Variants in PPP4R4 observed in about 807,000 individuals in gnomAD.
PPP4R4 encodes the protein serine/threonine-protein phosphatase 4 regulatory subunit 4.
In PPP4R4, 70 loss-of-function variants were observed where a neutral mutation model predicts 121.8. The ratio of observed to expected loss-of-function variants is 0.57; its 90% CI spans 0.47 to 0.70. The LOEUF is 0.70. PPP4R4 is among the 30% of genes least tolerant of loss of function. PPP4R4 has a pLI of 0.00. For synonymous variants in PPP4R4, 348 were observed against 355.7 expected (o/e 0.98, Z 0.24); for missense variants, 875 against 1,033.6 (o/e 0.85, Z 2.10).
intron 1 of PPP4R4, 33 bp downstream of exon 1, chr14:94,174,615 C>G (rs1475747275): frequency 1.2e-6 from 2 of 1,603,616 alleles, no homozygotes; most frequent in South Asian, 2.2e-5. Flanking sequence ...GCCCTCACGG[C>G]GTCCGGCCGC....
intron 3 of PPP4R4, among the ~76,000 whole-genome samples, chr14:94,225,934 G>A (rs1259065750): frequency 6.6e-6 from 1 of 151,956 alleles, no homozygotes; most frequent in Non-Finnish European, 1.5e-5. Context: ...AGAGAACTGT[G>A]TATAATTTTT....
At chr14:94,205,618 C>T (rs536893016) in intron 2 of PPP4R4, among the ~76,000 whole-genome samples, 1 of 151,386 alleles carries the variant, frequency 6.6e-6, no homozygotes, top group African/African-American at 2.4e-5. Context: ...TTGAGATGTT[C>T]CATTTTTTTC....
intron 2 of PPP4R4, among the ~76,000 whole-genome samples, chr14:94,197,911 C>T (rs960289153): frequency 6.6e-6 from 1 of 152,128 alleles, no homozygotes; most frequent in African/African-American, 2.4e-5. Flanking sequence ...ATGGATATAT[C>T]ACTGTATGGA....
chr14:94,243,356 A>G (rs1458074858), intron 11 of PPP4R4, among the ~76,000 whole-genome samples: 10 of 152,022 alleles, frequency 6.6e-5, no homozygotes, highest in Admixed American at 6.6e-4. Context: ...AGGAGCGGGG[A>G]TAGGGCAGAA....
chr14:94,178,093 A>G (rs10132659), intron 2 of PPP4R4, among the ~76,000 whole-genome samples: 1,971 of 152,274 alleles, frequency 0.013, 43 homozygotes, highest in African/African-American at 0.045. Flanking sequence ...GAATGCCTGA[A>G]AGGGTCTTTC....
At chr14:94,245,280 G>T (rs180763062) in intron 12 of PPP4R4, among the ~76,000 whole-genome samples, 3 of 152,082 alleles carry the variant, frequency 2.0e-5, no homozygotes, top group East Asian at 3.8e-4. Context: ...TTTAAACAAC[G>T]TTTCGAAAGT....
At chr14:94,257,162 T>C (rs1893519139) in intron 17 of PPP4R4, among the ~76,000 whole-genome samples, 1 of 152,126 alleles carries the variant, frequency 6.6e-6, no homozygotes, top group Non-Finnish European at 1.5e-5. Flanking sequence ...TTGTATCCTA[T>C]GAGTTTTTTG....
intron 3 of PPP4R4, among the ~76,000 whole-genome samples, 187 bp downstream of exon 3, chr14:94,208,753 A>G (rs1200825932): frequency 6.6e-6 from 1 of 152,064 alleles, no homozygotes; most frequent in Non-Finnish European, 1.5e-5. Context: ...GGAAATGGAG[A>G]AATCCAGATC....
chr14:94,235,622 A>G lies in PPP4R4; in HGVS notation c.731+953A>G, dbSNP rs530710995. 3.3e-5 allele frequency among the ~76,000 whole-genome samples: 5 copies of G among 151,722 alleles called. No homozygotes were observed. In the East Asian group the frequency reaches 9.7e-4, roughly 30 times the overall value. ...CACCGTGTTAGCCAGGATGGTCTCG[A>G]TCTCCTGACCTCGTGATCCGCCTGC... On this transcript the variant is annotated intron_variant, in intron 7 of 24. Coordinates refer to ENST00000304338, the MANE Select transcript of PPP4R4 (RefSeq NM_058237.2).
chr14:94,223,887 G>GT (rs11382624), intron 3 of PPP4R4, among the ~76,000 whole-genome samples: 19,208 of 151,758 alleles, frequency 0.13, 1,346 homozygotes, highest in Admixed American at 0.21. Context: ...ACCATACCCT[G>GT]TCACCATCTC....
chr14:94,176,659 A>G (rs1425024097), intron 2 of PPP4R4, among the ~76,000 whole-genome samples: 1 of 152,068 alleles, frequency 6.6e-6, no homozygotes, highest in Non-Finnish European at 1.5e-5. Flanking sequence ...AAACCATCTC[A>G]CAGGCTCTAC....
intron 3 of PPP4R4, among the ~76,000 whole-genome samples, chr14:94,215,940 A>G (rs1220916289): frequency 6.6e-6 from 1 of 152,188 alleles, no homozygotes; most frequent in Non-Finnish European, 1.5e-5. Flanking sequence ...GGGTATATAT[A>G]GTTATATTAG....
At position 94,272,817 on chromosome 14, in the gene PPP4R4, C is replaced by A. The variant is rs183024027; in HGVS notation, c.2450-2557C>A. ...ACTTAACAGTAGGAAAACTAACAAC[C>A]TGATTAAAAAATGGGCAAAGACTTG... On this transcript the variant is annotated intron_variant, in intron 23 of 24. Transcript: ENST00000304338. Among the ~76,000 whole-genome samples the A allele has an allele frequency of 1.8e-4, 27 of 152,100 alleles. 1 individual carries two copies. The highest frequency in any genetic ancestry group is 1.5e-3 in the Admixed American group (23 of 15,284).
chr14:94,243,175 AT>A (rs955686187), intron 11 of PPP4R4, among the ~76,000 whole-genome samples: 29 of 151,404 alleles, frequency 1.9e-4, no homozygotes, highest in African/African-American at 6.8e-4. Flanking sequence ...TGTTGCTTAG[AT>A]TTTTTTTTGG....
At chr14:94,206,049 T>C (rs956248461) in intron 2 of PPP4R4, among the ~76,000 whole-genome samples, 1 of 152,108 alleles carries the variant, frequency 6.6e-6, no homozygotes, top group African/African-American at 2.4e-5. Context: ...CTGTCAGTTG[T>C]TGAGAGATGG....
chr14:94,259,453 A>G (rs994291371), intron 19 of PPP4R4, 84 bp downstream of exon 19: 2 of 1,363,516 alleles, frequency 1.5e-6, no homozygotes, highest in African/African-American at 3.0e-5. Flanking sequence ...ATTTCTTTCC[A>G]TTTCACCATT....
intron 14 of PPP4R4, among the ~76,000 whole-genome samples, chr14:94,248,412 C>T (rs995180829): frequency 6.6e-6 from 1 of 152,146 alleles, no homozygotes; most frequent in Non-Finnish European, 1.5e-5. Flanking sequence ...TCATAGATGA[C>T]ATAAACAAAT....
chr14:94,175,858 C>T, intron 1 of PPP4R4, 196 bp from the exon 2 acceptor site: 1 of 574,716 alleles, frequency 1.7e-6, no homozygotes, highest in Non-Finnish European at 3.1e-6. Flanking sequence ...CCTCCCCAAA[C>T]TCCCCAAACC....
Position 94,174,719 on chromosome 14 carries a change from C to T in PPP4R4, c.117+137C>T, listed in dbSNP as rs983863914. 7 of 1,417,170 alleles carry T rather than the reference C, an allele frequency of 4.9e-6. No individual in the cohort carries two copies. The South Asian group carries it at 8.7e-5, about 18-fold the overall frequency. The allele number at this position is 1,417,170 out of a possible 1,614,324, so 87.8% of individuals were successfully genotyped here. A position where few individuals can be genotyped will look rare whatever the true frequency, so the allele number is the denominator to read the frequency against. On this transcript the variant is annotated intron_variant, in intron 1 of 24. Transcript: ENST00000304338. The stretch of plus-strand genomic sequence containing the variant: ...ACCCTCTCAGTCGGGCCGGCCCCTC[C>T]TCCTCCACCCCTCTTGCCGTGTCGC...
Sources: gnomAD v4.1 joint callset for allele counts (sites outside exome capture counted in the v4.1 genomes callset) on GRCh38, gnomAD v4.1.1 for gene constraint, MANE v1.5 for transcripts, NCBI Gene and HGNC (gene_info 2026-07-23, HGNC 2026-07-21) for gene names.